THOC1: variants seen among roughly 807,000 people sequenced by gnomAD.
THOC1 encodes THO complex subunit 1.
Under a neutral mutation model 97.3 loss-of-function variants are expected in THOC1, and 29 were observed. That is an observed-to-expected ratio of 0.30 (90% CI 0.22 to 0.41). The LOEUF is 0.41. Among genes scored for constraint, THOC1 ranks in the 10% least tolerant of loss-of-function variants. The pLI, the probability that THOC1 is intolerant of heterozygous loss-of-function variation, is 1.00. For synonymous variants in THOC1, 255 were observed against 257.0 expected (o/e 0.99, Z 0.07); for missense variants, 529 against 761.9 (o/e 0.69, Z 3.60).
intron 11 of THOC1, among the ~76,000 whole-genome samples, chr18:238,566 A>G (rs892659229): frequency 6.6e-6 from 1 of 152,246 alleles, no homozygotes; most frequent in Non-Finnish European, 1.5e-5. Context: ...ATGTTACTGC[A>G]CTGAATACTG....
intron 11 of THOC1, among the ~76,000 whole-genome samples, chr18:241,078 C>T (rs1354606761): frequency 1.3e-5 from 2 of 152,142 alleles, no homozygotes; most frequent in African/African-American, 2.4e-5. Flanking sequence ...GATGAAGCTT[C>T]GCTTGCTTGC....
chr18:258,631 G>A (rs1209604840), intron 7 of THOC1, among the ~76,000 whole-genome samples: 1 of 152,086 alleles, frequency 6.6e-6, no homozygotes, highest in African/African-American at 2.4e-5. Context: ...AAGGAAGGGA[G>A]GACTGAAGCA....
In THOC1 at chr18:228,207, C is replaced by G. The variant is rs560873380; in HGVS notation, c.919-1306G>C. On this transcript the variant is annotated intron_variant, in intron 11 of 20. Transcript: ENST00000261600. ...GTGGCCACAGCTAGACCTGGGGTCA[C>G]TCACAGCTGCCCCAGATCTGAAGTC... 2.6e-5 allele frequency among the ~76,000 whole-genome samples: 4 copies of G among 152,226 alleles called. No homozygotes were observed. The South Asian group carries it at 6.2e-4, about 24-fold the overall frequency.
Position 215,417 on chromosome 18 carries a change from T to G in THOC1, c.1678+12A>C. 2.5e-6 allele frequency: 4 copies of G among 1,608,036 alleles called. No individual in the cohort carries two copies. The South Asian group carries it at 4.4e-5, about 18-fold the overall frequency. Reference sequence around the variant, plus strand: ...CAATTTTGTTAAATAACCAAGAAAATTCAGTTCTTACTTTCATTTTCCTTC... The same window carrying G: ...CAATTTTGTTAAATAACCAAGAAAAGTCAGTTCTTACTTTCATTTTCCTTC... On this transcript the variant is annotated intron_variant, in intron 20 of 20. Coordinates refer to ENST00000261600, the MANE Select transcript of THOC1 (RefSeq NM_005131.3).
At position 255,875 on chromosome 18, in the gene THOC1, A is replaced by G. The variant is rs576930322; in HGVS notation, c.521-1520T>C. ...TTCTGAAAATCCTGGGGCTCCTGAGAATTATGCTAAATCTACTCTGCCTTG... is the reference window on the plus strand; with the variant it reads ...TTCTGAAAATCCTGGGGCTCCTGAGGATTATGCTAAATCTACTCTGCCTTG... On this transcript the variant is annotated intron_variant, in intron 7 of 20. Coordinates refer to ENST00000261600, the MANE Select transcript of THOC1 (RefSeq NM_005131.3). Among the ~76,000 whole-genome samples, 260 of 152,322 alleles carry G rather than the reference A, an allele frequency of 1.7e-3. 1 individual carries two copies. The highest frequency in any genetic ancestry group is 0.017 in the Middle Eastern group (5 of 294).
chr18:229,481 A>C (rs978093324), intron 11 of THOC1, among the ~76,000 whole-genome samples: 1 of 151,632 alleles, frequency 6.6e-6, no homozygotes, highest in Non-Finnish European at 1.5e-5. Flanking sequence ...GGAGTTCGAG[A>C]CCAGCCTGGC....
In THOC1 at chr18:267,410, T is replaced by C. The variant is rs573256006; in HGVS notation, c.54+556A>G. ...AAATGCTCAAAACCACCCTTCCACA[T>C]TGAGCAAGAATAAAATAGCATCTGG... On this transcript the variant is annotated intron_variant, in intron 1 of 20. Transcript: ENST00000261600. Among the ~76,000 whole-genome samples the C allele has an allele frequency of 7.9e-5, 12 of 152,326 alleles. No homozygotes were observed. In the East Asian group the frequency reaches 9.6e-4, roughly 12 times the overall value.
chr18:221,816 G>T (rs1187261243), intron 17 of THOC1, among the ~76,000 whole-genome samples: 6 of 152,020 alleles, frequency 3.9e-5, no homozygotes, highest in Non-Finnish European at 7.4e-5. Context: ...CACCGTGTTA[G>T]CCACGATGGT....
At chr18:246,552 C>T in intron 10 of THOC1, 97 bp from the exon 11 acceptor site, 6 of 1,019,826 alleles carry the variant, frequency 5.9e-6, no homozygotes, top group Non-Finnish European at 7.3e-6. Flanking sequence ...CCCAGTCAAT[C>T]ATGTATGTAG....
intron 11 of THOC1, among the ~76,000 whole-genome samples, chr18:232,098 T>C (rs1028962165): frequency 6.6e-6 from 1 of 152,160 alleles, no homozygotes; most frequent in African/African-American, 2.4e-5. Flanking sequence ...ATTATTATTC[T>C]TATTTATTGT....
intron 6 of THOC1, 44 bp downstream of exon 6, chr18:259,638 T>C (rs1416928223): frequency 1.4e-6 from 2 of 1,404,662 alleles, no homozygotes; most frequent in East Asian, 5.1e-5. Flanking sequence ...TTTCTGGGCA[T>C]ATTTACACTT....
intron 3 of THOC1, among the ~76,000 whole-genome samples, chr18:264,400 C>G (rs1912699924): frequency 6.6e-6 from 1 of 152,208 alleles, no homozygotes; most frequent in Non-Finnish European, 1.5e-5. Context: ...AGCCATAACT[C>G]AGCCAGTGGC....
intron 17 of THOC1, among the ~76,000 whole-genome samples, chr18:221,668 G>GC (rs1911086330): frequency 6.8e-6 from 1 of 146,988 alleles, no homozygotes; most frequent in Non-Finnish European, 1.5e-5. Context: ...GAGTGCAGTG[G>GC]TGCGATCTCG....
At chr18:251,451 A>C (rs1253433299) in intron 9 of THOC1, among the ~76,000 whole-genome samples, 10 of 152,216 alleles carry the variant, frequency 6.6e-5, no homozygotes, top group East Asian at 1.9e-4. Context: ...AATTTTCCTT[A>C]ATGCCTTCTC....
chr18:241,304 C>G (rs1202297951), intron 11 of THOC1, among the ~76,000 whole-genome samples: 2 of 152,162 alleles, frequency 1.3e-5, no homozygotes, highest in African/African-American at 2.4e-5. Flanking sequence ...CATAAAGATT[C>G]AACCTCTCAA....
At chr18:256,876 A>C (rs1202477661) in intron 7 of THOC1, among the ~76,000 whole-genome samples, 1 of 152,144 alleles carries the variant, frequency 6.6e-6, no homozygotes, top group East Asian at 1.9e-4. Flanking sequence ...TGCTATTTGA[A>C]GAAAATTGTC....
chr18:254,474 C>G lies in THOC1; in HGVS notation c.521-119G>C. 1.5e-6 allele frequency: 1 copy of G among 653,860 alleles called. No individual in the cohort carries two copies. The highest frequency in any genetic ancestry group is 2.6e-5 in the Admixed American group (1 of 38,040). The allele number at this position is 653,860 out of a possible 1,614,324, so 40.5% of individuals were successfully genotyped here. ...ATCCATAAAGAGCAGTCAAAATTAA[C>G]ACATTTGATTTTCAAATCCTTTCAA... On this transcript the variant is annotated intron_variant, in intron 7 of 20. Transcript: ENST00000261600. The surrounding 1 kb of genome is among the most constrained non-coding windows in gnomAD (Gnocchi z 4.1).
In THOC1 at chr18:223,970, A is replaced by G. The variant is rs963311639; in HGVS notation, c.1304+114T>C. The G allele has an allele frequency of 3.2e-5, 25 of 784,434 alleles. 1 individual carries two copies. Among genetic ancestry groups the G allele is most frequent in the Middle Eastern group, 4.8e-4 (2 of 4,202 alleles). The allele number at this position is 784,434 out of a possible 1,614,324, so 48.6% of individuals were successfully genotyped here. On this transcript the variant is annotated intron_variant, in intron 16 of 20. Transcript: ENST00000261600. ...ACAGTGCGGTTTGCTTTGGCTATCT[A>G]TGTGTGTACCAAACACAATCTCATA... is the stretch of plus-strand genomic sequence containing the variant.
chr18:248,061 G>C, intron 9 of THOC1, 104 bp from the exon 10 acceptor site: 1 of 734,236 alleles, frequency 1.4e-6, no homozygotes, highest in South Asian at 2.1e-5. Flanking sequence ...AGAAGCTAAT[G>C]AAAGTTATCA....
Sources: allele counts gnomAD v4.1 joint callset (sites outside exome capture counted in the v4.1 genomes callset), GRCh38; gene constraint gnomAD v4.1.1; non-coding constraint Gnocchi (gnomAD v3.1); transcripts MANE v1.5; gene names NCBI Gene and HGNC (gene_info 2026-07-23, HGNC 2026-07-21).